ATP8A1: variants seen among roughly 807,000 people sequenced by gnomAD.
The protein encoded by ATP8A1 is phospholipid-transporting ATPase IA.
A neutral mutation model predicts 177.7 loss-of-function variants in ATP8A1; 90 were observed. The observed-to-expected ratio is 0.51, with a 90% confidence interval of 0.43 to 0.60. The LOEUF (loss-of-function observed/expected upper bound fraction) is 0.60, where lower values mean the gene tolerates loss of function less well. Among genes scored for constraint, ATP8A1 ranks in the 20% least tolerant of loss-of-function variants. The pLI is 0.00. For synonymous variants in ATP8A1, 493 were observed against 485.9 expected (o/e 1.01, Z -0.19); for missense variants, 1,072 against 1,392.8 (o/e 0.77, Z 3.67).
Position 42,527,377 on chromosome 4 carries a change from T to C in ATP8A1, c.1723-2530A>G, listed in dbSNP as rs373260352. ...ACGTGTGGGAGGACCCTGATGAAGC[T>C]GGGGACACTGAGTTTGTAAACTCTG... On this transcript the variant is annotated intron_variant, in intron 20 of 36. Coordinates refer to ENST00000381668, the MANE Select transcript of ATP8A1 (RefSeq NM_006095.2). Among the ~76,000 whole-genome samples the C allele has an allele frequency of 1.1e-4, 17 of 152,302 alleles. No individual in the cohort carries two copies. In the East Asian group the frequency reaches 2.9e-3, roughly 26 times the overall value.
At chr4:42,495,650 T>C (rs1214106892) in intron 24 of ATP8A1, among the ~76,000 whole-genome samples, 8 of 152,084 alleles carry the variant, frequency 5.3e-5, no homozygotes, top group African/African-American at 1.7e-4. Flanking sequence ...ATCAAAAAGC[T>C]TTGGTGTTTC....
intron 1 of ATP8A1, among the ~76,000 whole-genome samples, chr4:42,642,323 G>A (rs1263420790): frequency 2.0e-5 from 3 of 152,144 alleles, no homozygotes; most frequent in East Asian, 1.9e-4. Flanking sequence ...GAATGGGTGT[G>A]GCTCTGGGAT....
At chr4:42,644,420 A>G (rs1216619288) in intron 1 of ATP8A1, among the ~76,000 whole-genome samples, 2 of 152,256 alleles carry the variant, frequency 1.3e-5, no homozygotes, top group Non-Finnish European at 2.9e-5. Flanking sequence ...AATTGAGCCA[A>G]CAATTCAGAA....
intron 4 of ATP8A1, among the ~76,000 whole-genome samples, chr4:42,619,450 A>G (rs1737239891): frequency 6.6e-6 from 1 of 152,116 alleles, no homozygotes; most frequent in South Asian, 2.1e-4. Context: ...ATTTTAGAGT[A>G]TTTCCAAGTA....
chr4:42,617,034 T>A (rs1360905641), intron 4 of ATP8A1, among the ~76,000 whole-genome samples: 2 of 152,264 alleles, frequency 1.3e-5, no homozygotes, highest in Admixed American at 6.5e-5. Context: ...TAGTTGTGCG[T>A]ACCTGACTAT....
chr4:42,636,208 T>C (rs1348095432), intron 1 of ATP8A1, among the ~76,000 whole-genome samples: 1 of 146,448 alleles, frequency 6.8e-6, no homozygotes, highest in South Asian at 2.2e-4. Context: ...AATTCTTGGC[T>C]GAATAATTAA....
intron 1 of ATP8A1, among the ~76,000 whole-genome samples, chr4:42,634,499 T>A (rs1391137413): frequency 6.6e-6 from 1 of 152,152 alleles, no homozygotes; most frequent in Admixed American, 6.5e-5. Flanking sequence ...TTAGATACCA[T>A]GCATCCTTTT....
intron 5 of ATP8A1, among the ~76,000 whole-genome samples, chr4:42,615,348 C>A (rs1208660008): frequency 1.3e-5 from 2 of 152,100 alleles, no homozygotes; most frequent in Non-Finnish European, 2.9e-5. Flanking sequence ...GCAGACATCA[C>A]TTATCCTCAC....
At chr4:42,616,353 C>T (rs1736912648) in intron 4 of ATP8A1, among the ~76,000 whole-genome samples, 1 of 152,148 alleles carries the variant, frequency 6.6e-6, no homozygotes, top group South Asian at 2.1e-4. Flanking sequence ...AAGGATCTTA[C>T]CTCGGCACAT....
intron 1 of ATP8A1, among the ~76,000 whole-genome samples, chr4:42,635,782 C>CACAT (rs1553920597): frequency 2.5e-4 from 13 of 51,990 alleles, no homozygotes; most frequent in East Asian, 2.1e-3. Flanking sequence ...CACACACACA[C>CACAT]ATATATATAT....
At chr4:42,588,532 A>T in intron 7 of ATP8A1, 3 of 476,668 alleles carry the variant, frequency 6.3e-6, no homozygotes, top group Non-Finnish European at 1.1e-5. Context: ...CTTTTCAGCC[A>T]GAAGGACCCA....
chr4:42,520,429 T>C (rs1192593620), intron 22 of ATP8A1, among the ~76,000 whole-genome samples: 3 of 152,098 alleles, frequency 2.0e-5, no homozygotes, highest in Admixed American at 6.5e-5. Context: ...CTTTAAGATA[T>C]GTGACTTTAG....
At chr4:42,555,155 TATC>T (rs1560454964) in intron 16 of ATP8A1, among the ~76,000 whole-genome samples, 22 of 121,622 alleles carry the variant, frequency 1.8e-4, no homozygotes, top group South Asian at 7.8e-4. Context: ...TCTATCTATC[TATC>T]TATCTATCTA....
At chr4:42,586,252 G>A in intron 9 of ATP8A1, 97 bp downstream of exon 9, 1 of 1,410,124 alleles carries the variant, frequency 7.1e-7, no homozygotes, top group Non-Finnish European at 9.6e-7. Context: ...CTCAAACTTA[G>A]CACACAAGAA....
In ATP8A1 at chr4:42,464,932, G is replaced by C; in HGVS notation, c.2469C>G (p.Gly823=). Residue 823 remains glycine, a synonymous_variant, in exon 26 of 37, where the codon GGC becomes GGG. Transcript: ENST00000381668. ...AGTCAGAGGAATTAGCTGCCTGCAG[G>C]CCTTCATTGCCACTGATACCAACAC... is the stretch of plus-strand genomic sequence containing the variant. ...HVGVGISGNE[G]LQAANSSDYS... The C allele has an allele frequency of 6.2e-7, 1 of 1,614,214 alleles. No individual in the cohort carries two copies. The highest frequency in any genetic ancestry group is 8.5e-7 in the Non-Finnish European group (1 of 1,180,030).
chr4:42,641,380 T>C (rs929734146), intron 1 of ATP8A1, among the ~76,000 whole-genome samples: 10 of 152,226 alleles, frequency 6.6e-5, no homozygotes, highest in African/African-American at 2.4e-4. Context: ...CTTAAAAGGG[T>C]GTGTGTGGGT....
At chr4:42,556,162 TGGCCTGC>T in intron 15 of ATP8A1, 122 bp from the exon 16 acceptor site, 1 of 561,282 alleles carries the variant, frequency 1.8e-6, no homozygotes, top group Non-Finnish European at 3.0e-6. Flanking sequence ...AAATGTAATT[TGGCCTGC>T]ATTTCTAAGT....
intron 15 of ATP8A1, among the ~76,000 whole-genome samples, chr4:42,567,389 A>G (rs1731462537): frequency 6.6e-6 from 1 of 152,088 alleles, no homozygotes; most frequent in African/African-American, 2.4e-5. Flanking sequence ...AAATACAAAC[A>G]TTAGCCAGGT....
At chr4:42,497,025 G>C (rs1019358086) in intron 24 of ATP8A1, among the ~76,000 whole-genome samples, 6 of 152,210 alleles carry the variant, frequency 3.9e-5, no homozygotes, top group Admixed American at 6.5e-5. Context: ...AGGGGGATAA[G>C]TGTTGGATGG....
Sources: gnomAD v4.1 joint callset for allele counts (sites outside exome capture counted in the v4.1 genomes callset) on GRCh38, gnomAD v4.1.1 for gene constraint, MANE v1.5 for transcripts, NCBI Gene and HGNC (gene_info 2026-07-23, HGNC 2026-07-21) for gene names.